The following NRXN1 variants were observed in gnomAD, a reference collection of about 807,000 sequenced individuals.
The protein encoded by NRXN1 is neurexin-1.
NRXN1 carries 39 observed loss-of-function variants against 150.9 expected under a neutral mutation model. That is an observed-to-expected ratio of 0.26 (90% confidence interval 0.20 to 0.34). NRXN1 has a LOEUF of 0.34. Among genes scored for constraint, NRXN1 ranks in the 10% least tolerant of loss-of-function variants. The pLI is 1.00. For synonymous variants in NRXN1, 924 were observed against 757.0 expected (o/e 1.22, Z -3.62); for missense variants, 1,815 against 1,949.9 (o/e 0.93, Z 1.30).
chr2:51,023,460 T>C (rs890309038), intron 2 of NRXN1, among the ~76,000 whole-genome samples: 1 of 152,188 alleles, frequency 6.6e-6, no homozygotes, highest in Non-Finnish European at 1.5e-5. Context: ...TCCTCTGGGC[T>C]TTACCTGATT....
At chr2:50,484,879 A>G (rs1440202633) in intron 15 of NRXN1, among the ~76,000 whole-genome samples, 1 of 136,720 alleles carries the variant, frequency 7.3e-6, no homozygotes, top group Non-Finnish European at 1.7e-5. Context: ...TTTTTATGGA[A>G]TAGAAAGTGT....
intron 21 of NRXN1, among the ~76,000 whole-genome samples, chr2:50,014,943 T>G (rs533138458): frequency 6.6e-6 from 1 of 152,346 alleles, no homozygotes; most frequent in East Asian, 1.9e-4. Context: ...TAGTCAAGAC[T>G]TCTGTCTTTT....
chr2:50,300,277 C>T (rs2074028902), intron 17 of NRXN1, among the ~76,000 whole-genome samples: 1 of 152,116 alleles, frequency 6.6e-6, no homozygotes, highest in African/African-American at 2.4e-5. Context: ...CTAGTGATGC[C>T]AGAGATATCT....
intron 5 of NRXN1, among the ~76,000 whole-genome samples, chr2:50,700,571 C>A (rs1437723469): frequency 1.3e-5 from 2 of 152,128 alleles, no homozygotes; most frequent in Non-Finnish European, 2.9e-5. Context: ...GTAATAATAG[C>A]ACCAAGGTAA....
chr2:50,614,227 G>A lies in NRXN1; in HGVS notation c.1320+5795C>T, dbSNP rs1051211964. Among the ~76,000 whole-genome samples the A allele has an allele frequency of 3.3e-5, 5 of 152,220 alleles. No homozygotes were observed. The East Asian group carries it at 5.8e-4, about 18-fold the overall frequency. ...GGAAATGAAAACCTGGGGATAAATT[G>A]TTTAATCATGACTTTGGAATCCATG... On this transcript the variant is annotated intron_variant, in intron 8 of 22. Transcript: ENST00000401669.
At chr2:50,878,852 C>T (rs1679005704) in intron 5 of NRXN1, among the ~76,000 whole-genome samples, 2 of 151,910 alleles carry the variant, frequency 1.3e-5, no homozygotes, top group Admixed American at 6.6e-5. Flanking sequence ...GTTTTTGCTT[C>T]CCCAAAGATT....
chr2:50,781,397 C>T (rs1704330533), intron 5 of NRXN1, among the ~76,000 whole-genome samples: 1 of 151,784 alleles, frequency 6.6e-6, no homozygotes, highest in Admixed American at 6.6e-5. Flanking sequence ...ACGTCAATGT[C>T]TTGCCAGGCA....
At chr2:50,818,196 T>G (rs974714735) in intron 5 of NRXN1, among the ~76,000 whole-genome samples, 6 of 151,528 alleles carry the variant, frequency 4.0e-5, no homozygotes, top group African/African-American at 1.2e-4. Context: ...ACAATTGTTT[T>G]TTTTTTTATT....
At chr2:50,715,051 T>C (rs1326403458) in intron 5 of NRXN1, among the ~76,000 whole-genome samples, 1 of 152,104 alleles carries the variant, frequency 6.6e-6, no homozygotes, top group African/African-American at 2.4e-5. Flanking sequence ...CTGGTAAACA[T>C]GGTAGAATCA....
At chr2:50,956,428 G>A (rs1446572659) in intron 2 of NRXN1, among the ~76,000 whole-genome samples, 1 of 152,058 alleles carries the variant, frequency 6.6e-6, no homozygotes, top group Non-Finnish European at 1.5e-5. Context: ...TCACTAACGT[G>A]ATGGGCTTAA....
At chr2:49,954,589 G>T (rs190425539) in intron 21 of NRXN1, among the ~76,000 whole-genome samples, 6 of 152,266 alleles carry the variant, frequency 3.9e-5, no homozygotes, top group Admixed American at 1.3e-4. Flanking sequence ...AAAAGGGAGA[G>T]GGAGAGAGAA....
At chr2:51,001,539 T>G (rs1374117019) in intron 2 of NRXN1, among the ~76,000 whole-genome samples, 1 of 151,980 alleles carries the variant, frequency 6.6e-6, no homozygotes, top group Non-Finnish European at 1.5e-5. Context: ...TTTACTGAGC[T>G]CCCCTAAAGG....
intron 15 of NRXN1, among the ~76,000 whole-genome samples, chr2:50,495,345 C>CGTGT (rs71404957): frequency 2.2e-4 from 17 of 76,126 alleles, no homozygotes; most frequent in East Asian, 6.8e-4. Flanking sequence ...AGAAGCATTC[C>CGTGT]GTGTGTGTGT....
At chr2:50,388,133 G>A (rs2081445912) in intron 17 of NRXN1, among the ~76,000 whole-genome samples, 1 of 152,050 alleles carries the variant, frequency 6.6e-6, no homozygotes, top group Non-Finnish European at 1.5e-5. Flanking sequence ...ACTATACCAG[G>A]TAGAAAAACT....
chr2:50,114,139 G>A (rs779700360), intron 18 of NRXN1, among the ~76,000 whole-genome samples: 24 of 152,106 alleles, frequency 1.6e-4, no homozygotes, highest in Non-Finnish European at 3.4e-4. Flanking sequence ...ATAGTTGTGA[G>A]ATCCACACAA....
intron 15 of NRXN1, among the ~76,000 whole-genome samples, chr2:50,481,468 T>G (rs547875598): frequency 5.9e-5 from 9 of 152,358 alleles, no homozygotes; most frequent in African/African-American, 2.2e-4. Context: ...TCAAAACTTT[T>G]TAAATCAAAT....
intron 17 of NRXN1, among the ~76,000 whole-genome samples, chr2:50,261,869 C>T (rs1165180699): frequency 6.6e-6 from 1 of 151,816 alleles, no homozygotes; most frequent in Non-Finnish European, 1.5e-5. Flanking sequence ...AACTATAGAT[C>T]TAGTCCTAAT....
At chr2:50,864,472 G>C (rs1428997961) in intron 5 of NRXN1, among the ~76,000 whole-genome samples, 1 of 151,984 alleles carries the variant, frequency 6.6e-6, no homozygotes, top group African/African-American at 2.4e-5. Flanking sequence ...AAGTGTGTAT[G>C]ATTAGTTTTA....
chr2:50,369,839 C>T (rs1390354726), intron 17 of NRXN1, among the ~76,000 whole-genome samples: 2 of 151,942 alleles, frequency 1.3e-5, no homozygotes, highest in African/African-American at 4.8e-5. Flanking sequence ...GTTAATCTCC[C>T]AGTGTAGGGC....
Sources: gnomAD v4.1 joint callset for allele counts (sites outside exome capture counted in the v4.1 genomes callset) on GRCh38, gnomAD v4.1.1 for gene constraint, MANE v1.5 for transcripts, NCBI Gene and HGNC (gene_info 2026-07-23, HGNC 2026-07-21) for gene names.